The following SH3RF2 variants were observed in gnomAD, a reference collection of about 807,000 sequenced individuals.
The protein encoded by SH3RF2 is E3 ubiquitin-protein ligase SH3RF2.
In SH3RF2, 43 loss-of-function variants were observed where a neutral mutation model predicts 59.0. The observed-to-expected ratio is 0.73, with a 90% CI of 0.57 to 0.94. The LOEUF (loss-of-function observed/expected upper bound fraction) is 0.94, where lower values mean the gene tolerates loss of function less well. Among genes scored for constraint, SH3RF2 ranks in the 40% least tolerant of loss-of-function variants. The pLI, the probability that SH3RF2 is intolerant of heterozygous loss-of-function variation, is 0.00. For synonymous variants in SH3RF2, 391 were observed against 391.5 expected (o/e 1.00, Z 0.01); for missense variants, 930 against 940.1 (o/e 0.99, Z 0.14).
chr5:146,056,716 A>G (rs1426248051), intron 8 of SH3RF2, among the ~76,000 whole-genome samples: 3 of 152,274 alleles, frequency 2.0e-5, no homozygotes, highest in African/African-American at 7.2e-5. Flanking sequence ...AAAGGTTTAC[A>G]GTATACGAAC....
chr5:146,021,276 T>A (rs1167611767), intron 5 of SH3RF2, among the ~76,000 whole-genome samples: 1 of 152,230 alleles, frequency 6.6e-6, no homozygotes, highest in Non-Finnish European at 1.5e-5. Flanking sequence ...TCTTAGCTAA[T>A]CTTCCTTCTT....
chr5:146,051,307 G>T (rs1317081683), intron 7 of SH3RF2, among the ~76,000 whole-genome samples: 2 of 152,174 alleles, frequency 1.3e-5, no homozygotes, highest in African/African-American at 4.8e-5. Context: ...GCCTGTTGCT[G>T]GGTTTTGAGC....
chr5:146,052,657 A>C (rs978845607), intron 7 of SH3RF2, among the ~76,000 whole-genome samples: 5 of 151,916 alleles, frequency 3.3e-5, no homozygotes, highest in African/African-American at 1.2e-4. Context: ...TGATCTCTCT[A>C]ATGCAAAAAA....
At chr5:146,058,654 C>A (rs1362106012) in intron 8 of SH3RF2, among the ~76,000 whole-genome samples, 1 of 152,130 alleles carries the variant, frequency 6.6e-6, no homozygotes, top group Non-Finnish European at 1.5e-5. Context: ...CTGGCTGGGA[C>A]AAAACCTACA....
intron 5 of SH3RF2, among the ~76,000 whole-genome samples, chr5:146,016,413 T>G (rs1268075924): frequency 1.3e-5 from 2 of 151,868 alleles, no homozygotes; most frequent in South Asian, 4.2e-4. Context: ...GATAGATGAT[T>G]GATACATAGA....
chr5:145,983,989 G>A (rs546374662), intron 2 of SH3RF2, among the ~76,000 whole-genome samples: 1 of 152,206 alleles, frequency 6.6e-6, no homozygotes, highest in Non-Finnish European at 1.5e-5. Flanking sequence ...TTTGTTAAGA[G>A]TAGCATTGAC....
intron 2 of SH3RF2, among the ~76,000 whole-genome samples, chr5:145,972,041 G>C (rs1759104650): frequency 6.6e-6 from 1 of 152,142 alleles, no homozygotes; most frequent in South Asian, 2.1e-4. Context: ...GCCAAGGTCA[G>C]CAGCTTTAAG....
At chr5:146,016,274 C>T (rs1761097686) in intron 5 of SH3RF2, among the ~76,000 whole-genome samples, 2 of 152,052 alleles carry the variant, frequency 1.3e-5, no homozygotes, top group South Asian at 2.1e-4. Context: ...ATTCTACTAC[C>T]AAAACAAGAA....
rs369188711 is a variant in SH3RF2 at position 146,000,366 on chromosome 5, C to T, written c.648+39C>T. ...TGGCCACCAGAGTCACCTGGGACCACGTAGAGACCATAGCAGAACAGAGTT... is the reference window on the plus strand; with the variant it reads ...TGGCCACCAGAGTCACCTGGGACCATGTAGAGACCATAGCAGAACAGAGTT... On this transcript the variant is annotated intron_variant, in intron 3 of 9. Transcript: ENST00000359120. 2.3e-5 allele frequency: 37 copies of T among 1,587,670 alleles called. No individual in the cohort carries two copies. The African/African-American group carries it at 3.7e-4, about 16-fold the overall frequency.
At position 145,990,757 on chromosome 5, in the gene SH3RF2, G is replaced by T. The variant is rs976389459; in HGVS notation, c.379-9301G>T. 2.6e-5 allele frequency among the ~76,000 whole-genome samples: 4 copies of T among 152,294 alleles called. No individual in the cohort carries two copies. The East Asian group carries it at 5.8e-4, about 22-fold the overall frequency. On this transcript the variant is annotated intron_variant, in intron 2 of 9. Transcript: ENST00000359120. ...ATATCAGAAAAGGAAAGCATTTTAG[G>T]TATACACAAGGAAAAAGAGTTTGGT... is the stretch of plus-strand genomic sequence containing the variant.
chr5:146,072,679 A>G (rs1763263708), intron 9 of SH3RF2, among the ~76,000 whole-genome samples: 1 of 152,118 alleles, frequency 6.6e-6, no homozygotes, highest in Non-Finnish European at 1.5e-5. Flanking sequence ...TAAAAAAAAA[A>G]GAACAGAATC....
chr5:145,980,975 G>A (rs1481840854), intron 2 of SH3RF2, among the ~76,000 whole-genome samples: 3 of 152,144 alleles, frequency 2.0e-5, no homozygotes, highest in Non-Finnish European at 4.4e-5. Flanking sequence ...AAATATGTCA[G>A]GAGCTGCCTC....
chr5:146,064,727 AAAGGAAGGAAGG>A (rs1218422103), downstream of SH3RF2, among the ~76,000 whole-genome samples: 2 of 13,218 alleles, frequency 1.5e-4, no homozygotes, highest in African/African-American at 5.6e-4. Context: ...AGAAAGAAAG[AAAGGAAGGAAGG>A]AAGGAAGGAA....
chr5:145,977,660 A>G (rs534082031), intron 2 of SH3RF2, among the ~76,000 whole-genome samples: 2 of 152,202 alleles, frequency 1.3e-5, no homozygotes, highest in African/African-American at 4.8e-5. Flanking sequence ...TCCTATTACT[A>G]TCAGCTTGCT....
chr5:146,064,865 AG>A (rs1763064701), downstream of SH3RF2, among the ~76,000 whole-genome samples: 2 of 2,658 alleles, frequency 7.5e-4, no homozygotes, highest in Non-Finnish European at 8.0e-3. Context: ...AGAAAGAAAG[AG>A]AAAGAAAAAG....
intron 7 of SH3RF2, among the ~76,000 whole-genome samples, chr5:146,050,874 C>A (rs543572299): frequency 6.6e-6 from 1 of 152,294 alleles, no homozygotes; most frequent in Admixed American, 6.5e-5. Context: ...AGAAGGAAAG[C>A]AGGAGCCAAG....
chr5:145,981,169 A>C (rs1189455103), intron 2 of SH3RF2, among the ~76,000 whole-genome samples: 1 of 151,946 alleles, frequency 6.6e-6, no homozygotes, highest in Admixed American at 6.6e-5. Flanking sequence ...ATTATAGCTC[A>C]CTGCAGCCTT....
At chr5:146,018,376 C>T (rs1761184572) in intron 5 of SH3RF2, among the ~76,000 whole-genome samples, 1 of 152,124 alleles carries the variant, frequency 6.6e-6, no homozygotes, top group African/African-American at 2.4e-5. Flanking sequence ...AGTTATTTCA[C>T]TTAGGATTAT....
At chr5:146,072,507 T>C (rs551975057) in intron 9 of SH3RF2, among the ~76,000 whole-genome samples, 3 of 151,994 alleles carry the variant, frequency 2.0e-5, no homozygotes, top group East Asian at 1.9e-4. Flanking sequence ...CCCGTCTCTA[T>C]TAAAAATACA....
Sources: allele counts gnomAD v4.1 joint callset (sites outside exome capture counted in the v4.1 genomes callset), GRCh38; gene constraint gnomAD v4.1.1; transcripts MANE v1.5; gene names NCBI Gene and HGNC (gene_info 2026-07-23, HGNC 2026-07-21).